The following ITFG1 variants were observed in gnomAD, a reference collection of about 807,000 sequenced individuals.
ITFG1 encodes T-cell immunomodulatory protein.
Under a neutral mutation model 81.8 loss-of-function variants are expected in ITFG1, and 34 were observed. That is an observed-to-expected ratio of 0.42 (90% CI 0.32 to 0.55). The LOEUF (loss-of-function observed/expected upper bound fraction) is 0.55. Among genes scored for constraint, ITFG1 ranks in the 20% least tolerant of loss-of-function variants. ITFG1 has a pLI of 0.17. For synonymous variants in ITFG1, 285 were observed against 270.6 expected (o/e 1.05, Z -0.52); for missense variants, 672 against 755.4 (o/e 0.89, Z 1.29).
At chr16:47,265,472 T>C (rs1966265926) in intron 10 of ITFG1, among the ~76,000 whole-genome samples, 1 of 152,006 alleles carries the variant, frequency 6.6e-6, no homozygotes, top group African/African-American at 2.4e-5. Context: ...GTTAATAAGG[T>C]AGTAGATGTA....
intron 6 of ITFG1, among the ~76,000 whole-genome samples, chr16:47,415,155 T>C (rs964704299): frequency 1.3e-5 from 2 of 152,230 alleles, no homozygotes; most frequent in African/African-American, 2.4e-5. Flanking sequence ...ATATATTCCA[T>C]TGTTGGACAA....
intron 8 of ITFG1, among the ~76,000 whole-genome samples, chr16:47,338,166 T>C (rs1967732821): frequency 6.6e-6 from 1 of 152,174 alleles, no homozygotes; most frequent in South Asian, 2.1e-4. Flanking sequence ...TCCCAGCACT[T>C]TGGGAGTCTG....
At chr16:47,293,242 G>C (rs1230828241) in intron 10 of ITFG1, among the ~76,000 whole-genome samples, 2 of 148,312 alleles carry the variant, frequency 1.3e-5, no homozygotes, top group Non-Finnish European at 3.0e-5. Flanking sequence ...TATATTTTCT[G>C]TATGCAGTCA....
At chr16:47,214,448 T>C (rs1211022494) in intron 14 of ITFG1, among the ~76,000 whole-genome samples, 1 of 152,206 alleles carries the variant, frequency 6.6e-6, no homozygotes, top group Admixed American at 6.5e-5. Flanking sequence ...AACAACTCAC[T>C]AGTCTACAAA....
Position 47,260,591 on chromosome 16 carries a change from T to C in ITFG1, c.1175A>G (p.Gln392Arg), listed in dbSNP as rs1011475798. ...GGTGGCAACCATGGCATCCTTAATT[T>C]GATTTAGGTCTGTCAGCTCCCAGTA... Reference protein sequence around the residue: ...KVYWELTDLNQIKDAMVATFF... With the variant: ...KVYWELTDLNRIKDAMVATFF... Residue 392 changes from glutamine to arginine, a missense_variant, in exon 11 of 18, where the codon CAA becomes CGA. Gln to Arg is a conservative substitution (Grantham distance 43). Around this residue, in one of 3 missense-constraint regions of ITFG1, gnomAD observed 560 missense variants for 625.7 expected, o/e 0.90. Transcript: ENST00000320640. 1.2e-6 allele frequency: 2 copies of C among 1,614,068 alleles called. No homozygotes were observed. The highest frequency in any genetic ancestry group is 1.7e-6 in the Non-Finnish European group (2 of 1,180,022).
intron 6 of ITFG1, among the ~76,000 whole-genome samples, chr16:47,393,370 T>C (rs1330585535): frequency 6.6e-6 from 1 of 152,190 alleles, no homozygotes; most frequent in Non-Finnish European, 1.5e-5. Context: ...TCCAAGGGGC[T>C]ATACTGGTAT....
chr16:47,397,026 T>TAA (rs911565118), intron 6 of ITFG1, among the ~76,000 whole-genome samples: 12 of 152,140 alleles, frequency 7.9e-5, no homozygotes, highest in Non-Finnish European at 1.5e-4. Context: ...ATGCTAGTAA[T>TAA]AAAAAAAGGA....
chr16:47,357,240 T>C (rs1968051519), intron 8 of ITFG1, among the ~76,000 whole-genome samples: 1 of 152,060 alleles, frequency 6.6e-6, no homozygotes, highest in South Asian at 2.1e-4. Context: ...AAATACAACA[T>C]TATCCCATAG....
chr16:47,243,888 G>A (rs1404136785), intron 12 of ITFG1, among the ~76,000 whole-genome samples: 7 of 152,108 alleles, frequency 4.6e-5, no homozygotes, highest in Admixed American at 4.6e-4. Context: ...AAAATCAGCC[G>A]GGAGTGGTGG....
intron 2 of ITFG1, among the ~76,000 whole-genome samples, chr16:47,457,515 T>G (rs1341815883): frequency 1.3e-5 from 2 of 152,056 alleles, no homozygotes; most frequent in Non-Finnish European, 2.9e-5. Flanking sequence ...AGAAAATTAG[T>G]GTAAAATTTT....
chr16:47,168,761 G>A (rs1964924271), intron 14 of ITFG1, among the ~76,000 whole-genome samples: 1 of 151,982 alleles, frequency 6.6e-6, no homozygotes, highest in Non-Finnish European at 1.5e-5. Context: ...TGTTACTAGT[G>A]CTTTTGGTGT....
intron 5 of ITFG1, among the ~76,000 whole-genome samples, chr16:47,441,763 C>T (rs1969254087): frequency 1.3e-5 from 2 of 152,046 alleles, no homozygotes; most frequent in African/African-American, 4.8e-5. Context: ...CCTTTGAAAA[C>T]TGGCACAAGA....
intron 8 of ITFG1, among the ~76,000 whole-genome samples, chr16:47,326,472 AG>A (rs1340435460): frequency 1.3e-5 from 2 of 152,192 alleles, no homozygotes; most frequent in Non-Finnish European, 2.9e-5. Flanking sequence ...AGTTCTGGCC[AG>A]GGCAATTAGG....
intron 6 of ITFG1, among the ~76,000 whole-genome samples, chr16:47,390,937 C>G (rs1968522470): frequency 6.6e-6 from 1 of 151,856 alleles, no homozygotes; most frequent in Non-Finnish European, 1.5e-5. Flanking sequence ...ATTTCAAATA[C>G]TTGTAATTCA....
At chr16:47,439,428 C>A (rs1969215239) in intron 5 of ITFG1, among the ~76,000 whole-genome samples, 1 of 152,126 alleles carries the variant, frequency 6.6e-6, no homozygotes, top group Non-Finnish European at 1.5e-5. Context: ...TTAAGGACAG[C>A]CAGAGAGAAA....
chr16:47,406,899 T>C (rs1596962763), intron 6 of ITFG1, among the ~76,000 whole-genome samples: 1 of 152,184 alleles, frequency 6.6e-6, no homozygotes, highest in East Asian at 1.9e-4. Flanking sequence ...AGGAATAATA[T>C]TCTAGGCAGA....
chr16:47,209,026 AC>A (rs1184976862), intron 14 of ITFG1, among the ~76,000 whole-genome samples: 1 of 152,232 alleles, frequency 6.6e-6, no homozygotes, highest in Non-Finnish European at 1.5e-5. Context: ...AAGGGGGAAA[AC>A]ATAAGGAAGA....
At chr16:47,359,099 GACA>G (rs1968077327) in intron 8 of ITFG1, among the ~76,000 whole-genome samples, 1 of 152,108 alleles carries the variant, frequency 6.6e-6, no homozygotes, top group African/African-American at 2.4e-5. Context: ...CCTCAGGAGG[GACA>G]ATTTGCAGAA....
intron 5 of ITFG1, among the ~76,000 whole-genome samples, chr16:47,447,235 A>G (rs1016923004): frequency 6.6e-6 from 1 of 152,174 alleles, no homozygotes; most frequent in Non-Finnish European, 1.5e-5. Context: ...TTCTCCCCAA[A>G]CAAGGAAACA....
Sources: allele counts gnomAD v4.1 joint callset (sites outside exome capture counted in the v4.1 genomes callset), GRCh38; gene constraint gnomAD v4.1.1; regional missense constraint gnomAD v4.1.1; transcripts MANE v1.5; gene names NCBI Gene and HGNC (gene_info 2026-07-23, HGNC 2026-07-21).